The following SMURF2 variants were observed in gnomAD, a reference collection of about 807,000 sequenced individuals.
The protein encoded by SMURF2 is SMAD specific E3 ubiquitin protein ligase 2, also known as E3 ubiquitin-protein ligase SMURF2.
A neutral mutation model predicts 109.6 loss-of-function variants in SMURF2; 48 were observed. That is an observed-to-expected ratio of 0.44 (90% CI 0.35 to 0.56). The LOEUF (loss-of-function observed/expected upper bound fraction) is 0.56. Among genes scored for constraint, SMURF2 ranks in the 20% least tolerant of loss-of-function variants. The probability of loss-of-function intolerance (pLI) is 0.01; values close to 1 mark genes in which losing one functional copy is unlikely to be tolerated. For synonymous variants in SMURF2, 288 were observed against 317.1 expected, an observed-to-expected ratio of 0.91 and a Z score of 0.97; for missense variants, 575 against 909.0, an observed-to-expected ratio of 0.63 and a Z score of 4.72.
chr17:64,601,209 T>C (rs1555688527), intron 2 of SMURF2, among the ~76,000 whole-genome samples: 1 of 152,034 alleles, frequency 6.6e-6, no homozygotes, highest in Non-Finnish European at 1.5e-5. Context: ...TGAGCCATGA[T>C]CATGCCACTG....
At chr17:64,620,898 T>C (rs1373163816) in intron 1 of SMURF2, among the ~76,000 whole-genome samples, 1 of 152,168 alleles carries the variant, frequency 6.6e-6, no homozygotes, top group Non-Finnish European at 1.5e-5. Context: ...TACATGCAGC[T>C]CACTCCTTGT....
At chr17:64,643,790 A>G (rs1160031304) in intron 1 of SMURF2, among the ~76,000 whole-genome samples, 1 of 152,146 alleles carries the variant, frequency 6.6e-6, no homozygotes, top group Non-Finnish European at 1.5e-5. Context: ...GAAGCCTGGG[A>G]AGAATTCTCA....
At chr17:64,620,852 C>T (rs7210217) in intron 1 of SMURF2, among the ~76,000 whole-genome samples, 7,644 of 152,206 alleles carry the variant, frequency 0.05, 318 homozygotes, top group African/African-American at 0.11. Context: ...AAACCACTGA[C>T]GAGTTATAAG....
chr17:64,578,095 G>A (rs1366230866), intron 9 of SMURF2, among the ~76,000 whole-genome samples: 6 of 151,984 alleles, frequency 3.9e-5, no homozygotes, highest in South Asian at 2.1e-4. Flanking sequence ...ACAGGCACGC[G>A]CCACCACGCC....
intron 1 of SMURF2, among the ~76,000 whole-genome samples, chr17:64,638,220 C>G (rs1472729853): frequency 6.6e-6 from 1 of 152,044 alleles, no homozygotes; most frequent in African/African-American, 2.4e-5. Context: ...CATGTGCCAC[C>G]AAGCCCGACT....
intron 10 of SMURF2, among the ~76,000 whole-genome samples, chr17:64,569,341 G>A (rs1277788403): frequency 6.6e-6 from 1 of 151,536 alleles, no homozygotes; most frequent in Non-Finnish European, 1.5e-5. Flanking sequence ...AGTCCACATG[G>A]ATTAAAGACT....
chr17:64,612,179 G>A (rs1296175356), intron 1 of SMURF2, among the ~76,000 whole-genome samples: 4 of 152,066 alleles, frequency 2.6e-5, no homozygotes, highest in Non-Finnish European at 5.9e-5. Flanking sequence ...TAATTGCGGA[G>A]GTGGTAAACT....
chr17:64,574,121 C>T (rs1969455786), intron 9 of SMURF2, among the ~76,000 whole-genome samples: 1 of 151,668 alleles, frequency 6.6e-6, no homozygotes, highest in Non-Finnish European at 1.5e-5. Flanking sequence ...TACCCCTGAA[C>T]CTAAAAGTTA....
chr17:64,615,302 C>T (rs568665269), intron 1 of SMURF2, among the ~76,000 whole-genome samples: 1 of 152,248 alleles, frequency 6.6e-6, no homozygotes, highest in African/African-American at 2.4e-5. Flanking sequence ...TCTTCCTTCA[C>T]CCCACAAAAA....
chr17:64,561,513 C>T lies in SMURF2; in HGVS notation c.1303G>A (p.Gly435Arg). Residue 435 changes from glycine to arginine, a missense_variant, in exon 12 of 19, where the codon GGA becomes AGA. Physicochemically the swap from Gly to Arg is moderately radical, Grantham distance 125 (BLOSUM62 -2). This residue lies in a region of SMURF2 where 361 missense variants were observed against 612.1 expected (regional missense o/e 0.59). Transcript: ENST00000262435. ...KFRGEEGLDY[G>R]GVAREWLYLL... ...GCAAGTCCATACCTGGCAACGCCTCCATAGTCAAGGCCTTCTTCTCCACGA... is the reference window on the plus strand; with the variant it reads ...GCAAGTCCATACCTGGCAACGCCTCTATAGTCAAGGCCTTCTTCTCCACGA... 1 of 1,613,354 alleles carries T rather than the reference C, an allele frequency of 6.2e-7. No individual in the cohort carries two copies. Among genetic ancestry groups the T allele is most frequent in the Non-Finnish European group, 8.5e-7 (1 of 1,179,410 alleles).
chr17:64,583,915 G>A (rs1265155343), intron 6 of SMURF2, among the ~76,000 whole-genome samples: 6 of 151,546 alleles, frequency 4.0e-5, no homozygotes, highest in South Asian at 2.1e-4. Context: ...CACCCGCCTC[G>A]GCCTCCCAAA....
At chr17:64,609,047 A>G (rs1282378751) in intron 1 of SMURF2, among the ~76,000 whole-genome samples, 4 of 152,226 alleles carry the variant, frequency 2.6e-5, no homozygotes, top group Non-Finnish European at 5.9e-5. Context: ...TAAAATACCT[A>G]GGAATACAAC....
At position 64,547,842 on chromosome 17, in the gene SMURF2, A is replaced by G. The variant is rs1486800833; in HGVS notation, c.1870-41T>C. On this transcript the variant is annotated intron_variant, in intron 16 of 18. Coordinates refer to ENST00000262435, the MANE Select transcript of SMURF2 (RefSeq NM_022739.4). The surrounding 1 kb of genome is among the most constrained non-coding windows in gnomAD (Gnocchi z 4.2). ...ACAGTAATGAACCTGTGGAAACCAC[A>G]GCCAGACCAAAAATTCCTCAAAAGA... 3.2e-6 allele frequency: 5 copies of G among 1,585,316 alleles called. No homozygotes were observed. The highest frequency in any genetic ancestry group is 4.3e-6 in the Non-Finnish European group (5 of 1,155,258).
intron 10 of SMURF2, 89 bp from the exon 11 acceptor site, chr17:64,563,055 A>C: frequency 8.6e-7 from 1 of 1,168,550 alleles, no homozygotes; most frequent in Non-Finnish European, 1.2e-6. Context: ...ATTATAAAGC[A>C]AGTCTAGCTC....
chr17:64,600,364 C>T (rs1295407723), intron 2 of SMURF2, among the ~76,000 whole-genome samples: 2 of 152,148 alleles, frequency 1.3e-5, no homozygotes, highest in Non-Finnish European at 2.9e-5. Flanking sequence ...ACAAAAATGT[C>T]ACTTCATGTG....
chr17:64,590,888 C>CTT lies in SMURF2; in HGVS notation c.400+194_400+195dup, dbSNP rs11455884. On this transcript the variant is annotated intron_variant, in intron 5 of 18. Transcript: ENST00000262435. ...GAAGGATCAACAGTTCTTCACAAAACTTTTTTTTTTTTTTACATTAAAGTT... is the reference window on the plus strand; with the variant it reads ...GAAGGATCAACAGTTCTTCACAAAACTTTTTTTTTTTTTTTTACATTAAAGTT... Among the ~76,000 whole-genome samples, 256 of 147,296 alleles carry CTT rather than the reference C, an allele frequency of 1.7e-3. 1 individual carries two copies. Among genetic ancestry groups the CTT allele is most frequent in the African/African-American group, 4.0e-3 (163 of 40,344 alleles).
intron 6 of SMURF2, among the ~76,000 whole-genome samples, chr17:64,584,268 A>G (rs1419429658): frequency 6.7e-6 from 1 of 148,582 alleles, no homozygotes; most frequent in African/African-American, 2.5e-5. Flanking sequence ...CAGTGAACCA[A>G]GATCATGCCA....
At chr17:64,570,699 C>T (rs1969385241) in intron 10 of SMURF2, among the ~76,000 whole-genome samples, 2 of 152,172 alleles carry the variant, frequency 1.3e-5, no homozygotes, top group South Asian at 4.1e-4. Flanking sequence ...AACCTCTATA[C>T]CTCAGTTTCC....
At chr17:64,586,750 CAA>C (rs782490512) in intron 5 of SMURF2, among the ~76,000 whole-genome samples, 9 of 27,466 alleles carry the variant, frequency 3.3e-4, no homozygotes, top group African/African-American at 7.7e-4. Flanking sequence ...GACTCCGTCT[CAA>C]AAAAAAAAAA....
Sources: allele counts gnomAD v4.1 joint callset (sites outside exome capture counted in the v4.1 genomes callset), GRCh38; gene constraint gnomAD v4.1.1; regional missense constraint gnomAD v4.1.1; non-coding constraint Gnocchi (gnomAD v3.1); transcripts MANE v1.5; gene names NCBI Gene and HGNC (gene_info 2026-07-23, HGNC 2026-07-21).